MPP7: variants seen among roughly 807,000 people sequenced by gnomAD.
The protein encoded by MPP7 is MAGUK p55 scaffold protein 7.
MPP7 carries 60 observed loss-of-function variants against 76.5 expected under a neutral mutation model. The ratio of observed to expected loss-of-function variants is 0.78; its 90% CI spans 0.64 to 0.97. MPP7 has a LOEUF of 0.97. MPP7 is among the 50% of genes least tolerant of loss of function. The probability of loss-of-function intolerance (pLI) is 0.00; values close to 1 mark genes in which losing one functional copy is unlikely to be tolerated. For missense variants in MPP7, 641 were observed against 694.0 expected (o/e 0.92, Z 0.86); for synonymous variants, 237 against 244.5 (o/e 0.97, Z 0.29).
intron 1 of MPP7, among the ~76,000 whole-genome samples, chr10:28,295,632 T>C (rs546251004): frequency 1.3e-5 from 2 of 152,294 alleles, no homozygotes; most frequent in African/African-American, 2.4e-5. Flanking sequence ...AGAGAAACTG[T>C]CCAAGAGTGT....
chr10:28,097,588 T>C (rs1275206247), intron 11 of MPP7, among the ~76,000 whole-genome samples: 3 of 152,132 alleles, frequency 2.0e-5, no homozygotes, highest in Non-Finnish European at 4.4e-5. Context: ...GACATTACCC[T>C]ATATACATAG....
chr10:28,108,368 T>C lies in MPP7; in HGVS notation c.952+11283A>G, dbSNP rs190427442. Among the ~76,000 whole-genome samples, 892 of 152,172 alleles carry C rather than the reference T, an allele frequency of 5.9e-3. 7 individuals are homozygous for C. The highest frequency in any genetic ancestry group is 0.012 in the Admixed American group (177 of 15,274). ...CTGAAGCAGCTGATCTCTAAATGTGTTTCTGGTTGGGCACAGTGGCTCATG... is the reference window on the plus strand; with the variant it reads ...CTGAAGCAGCTGATCTCTAAATGTGCTTCTGGTTGGGCACAGTGGCTCATG... On this transcript the variant is annotated intron_variant, in intron 11 of 16. Coordinates refer to ENST00000683449, the MANE Select transcript of MPP7 (RefSeq NM_001318170.2).
At chr10:28,215,024 C>T (rs989257615) in intron 2 of MPP7, among the ~76,000 whole-genome samples, 1 of 152,106 alleles carries the variant, frequency 6.6e-6, no homozygotes, top group African/African-American at 2.4e-5. Context: ...TCTGGCTCAA[C>T]CAGTTCTGCC....
At chr10:28,280,135 C>T (rs1564753978) in intron 1 of MPP7, 6 of 152,034 alleles carry the variant, frequency 3.9e-5, no homozygotes, top group Admixed American at 3.9e-4. Flanking sequence ...GCCAAGACTG[C>T]TATACCTAAC....
intron 12 of MPP7, among the ~76,000 whole-genome samples, chr10:28,079,263 A>T (rs1315779923): frequency 6.6e-6 from 1 of 152,196 alleles, no homozygotes. Flanking sequence ...AAATTAATTC[A>T]CAGTTGATGC....
At chr10:28,233,241 T>C (rs1175719531) in intron 2 of MPP7, among the ~76,000 whole-genome samples, 1 of 152,236 alleles carries the variant, frequency 6.6e-6, no homozygotes, top group African/African-American at 2.4e-5. Flanking sequence ...GAGGCTACAA[T>C]GATCCGTTTG....
intron 5 of MPP7, among the ~76,000 whole-genome samples, chr10:28,142,866 G>C (rs1452700451): frequency 2.6e-5 from 4 of 152,136 alleles, no homozygotes; most frequent in African/African-American, 9.7e-5. Context: ...CAACAAGCTG[G>C]AAACAATGAT....
chr10:28,192,425 G>A (rs1035665132), intron 3 of MPP7, among the ~76,000 whole-genome samples: 1 of 152,160 alleles, frequency 6.6e-6, no homozygotes, highest in Non-Finnish European at 1.5e-5. Flanking sequence ...AAGGATGCAA[G>A]ACAGAAGCTT....
At chr10:28,054,674 ATGTTTTT>A (rs1249627290) in intron 16 of MPP7, among the ~76,000 whole-genome samples, 6 of 151,980 alleles carry the variant, frequency 3.9e-5, no homozygotes, top group Non-Finnish European at 7.4e-5. Flanking sequence ...GATGATTACC[ATGTTTTT>A]TGTTTTTTGT....
chr10:28,070,625 C>T (rs968848121), intron 12 of MPP7, among the ~76,000 whole-genome samples: 1 of 152,174 alleles, frequency 6.6e-6, no homozygotes, highest in Admixed American at 6.5e-5. Flanking sequence ...GTGCTGAGAC[C>T]TTTTCCTGTA....
intron 13 of MPP7, among the ~76,000 whole-genome samples, chr10:28,067,175 T>C (rs575641472): frequency 6.6e-6 from 1 of 152,208 alleles, no homozygotes; most frequent in East Asian, 1.9e-4. Context: ...TGTGCAGGAG[T>C]TCCTTTGCTC....
chr10:28,058,126 A>C (rs1259414348), intron 15 of MPP7, among the ~76,000 whole-genome samples: 2 of 152,250 alleles, frequency 1.3e-5, no homozygotes, highest in Non-Finnish European at 2.9e-5. Context: ...TAAAAATTAT[A>C]GACACTGTTA....
At chr10:28,303,274 AC>A (rs1841212542), upstream of MPP7, 1 of 152,068 alleles carries the variant, frequency 6.6e-6, no homozygotes, top group East Asian at 1.9e-4. Flanking sequence ...TCCTCCTCAT[AC>A]CCGCAGTCCC....
chr10:28,122,428 G>A (rs910078161), intron 8 of MPP7, among the ~76,000 whole-genome samples: 4 of 152,164 alleles, frequency 2.6e-5, no homozygotes, highest in African/African-American at 9.7e-5. Flanking sequence ...TATTGCTTGA[G>A]GATTAATTTC....
At chr10:28,131,050 A>G (rs12761819) in intron 6 of MPP7, among the ~76,000 whole-genome samples, 1 of 152,288 alleles carries the variant, frequency 6.6e-6, no homozygotes, top group South Asian at 2.1e-4. Flanking sequence ...AGCTACTTGG[A>G]CATAAAATAA....
At chr10:28,308,066 C>A (rs3847388) in intron 2 of MPP7, among the ~76,000 whole-genome samples, 54,308 of 152,028 alleles carry the variant, frequency 0.36, 9,944 homozygotes, top group East Asian at 0.54. Context: ...CATTCCCTGC[C>A]AGTCACTTTA....
At chr10:28,123,941 T>C in intron 8 of MPP7, 90 bp downstream of exon 8, 1 of 865,650 alleles carries the variant, frequency 1.2e-6, no homozygotes, top group South Asian at 1.4e-5. Context: ...TTAATACAAA[T>C]CCTGTCTATG....
intron 3 of MPP7, among the ~76,000 whole-genome samples, chr10:28,162,709 G>C (rs1022683379): frequency 6.6e-6 from 1 of 152,138 alleles, no homozygotes; most frequent in Admixed American, 6.6e-5. Context: ...TTTTCTCCTT[G>C]TTGGGGGGTT....
intron 4 of MPP7, 23 bp downstream of exon 4, chr10:28,149,959 T>G: frequency 1.2e-6 from 2 of 1,606,200 alleles, no homozygotes; most frequent in Non-Finnish European, 1.7e-6. Flanking sequence ...CACATCCCAG[T>G]GAGCTCGGAG....
Sources: allele counts gnomAD v4.1 joint callset (sites outside exome capture counted in the v4.1 genomes callset), GRCh38; gene constraint gnomAD v4.1.1; transcripts MANE v1.5; gene names NCBI Gene and HGNC (gene_info 2026-07-23, HGNC 2026-07-21).